Variants in DNAH3 observed in about 807,000 individuals in gnomAD.
The protein encoded by DNAH3 is dynein axonemal heavy chain 3, also known as axonemal beta dynein heavy chain 3.
In DNAH3, 332 loss-of-function variants were observed where a neutral mutation model predicts 432.5. The observed-to-expected ratio is 0.77, with a 90% CI of 0.70 to 0.84. The LOEUF (loss-of-function observed/expected upper bound fraction) is 0.84. Among genes scored for constraint, DNAH3 ranks in the 40% least tolerant of loss-of-function variants. The probability of loss-of-function intolerance (pLI) is 0.00; values close to 1 mark genes in which losing one functional copy is unlikely to be tolerated. For missense variants in DNAH3, 4,861 were observed against 5,114.0 expected (o/e 0.95, Z 1.51); for synonymous variants, 1,956 against 1,900.2 (o/e 1.03, Z -0.76).
At chr16:20,981,030 C>G (rs2085872893) in intron 49 of DNAH3, among the ~76,000 whole-genome samples, 2 of 152,142 alleles carry the variant, frequency 1.3e-5, no homozygotes, top group African/African-American at 4.8e-5. Context: ...GCCCATGAAC[C>G]ATAGTTTGTC....
At chr16:21,054,180 A>G (rs858193) in intron 28 of DNAH3, among the ~76,000 whole-genome samples, 74,040 of 151,962 alleles carry the variant, frequency 0.49, 18,060 homozygotes, top group South Asian at 0.57. Context: ...GACTTTGGCC[A>G]TCATTGTCTC....
intron 31 of DNAH3, among the ~76,000 whole-genome samples, chr16:21,045,370 CAG>C (rs1174805310): frequency 6.7e-6 from 1 of 150,338 alleles, no homozygotes; most frequent in Non-Finnish European, 1.5e-5. Flanking sequence ...TTGGTCTATT[CAG>C]AGATTCAACT....
At chr16:21,031,179 C>CCATCCA in exon 37 of DNAH3, 1 of 1,614,162 alleles carries the variant, frequency 6.2e-7, no homozygotes. Context: ...AGGACACCAT[C>CCATCCA]CATCCACTCG....
At chr16:21,138,267 A>G (rs1231760602) in intron 5 of DNAH3, among the ~76,000 whole-genome samples, 2 of 151,902 alleles carry the variant, frequency 1.3e-5, no homozygotes, top group African/African-American at 4.8e-5. Context: ...AAAGAAAAGA[A>G]AAAGAGGTTG....
rs1043740477 is a variant in DNAH3 at position 21,157,380 on chromosome 16, C to T, written c.117+1945G>A. Among the ~76,000 whole-genome samples, 7 of 147,214 alleles carry T rather than the reference C, an allele frequency of 4.8e-5. No homozygotes were observed. In the East Asian group the frequency reaches 5.9e-4, roughly 12 times the overall value. On this transcript the variant is annotated intron_variant, in intron 1 of 61. Coordinates refer to ENST00000261383, the Ensembl canonical transcript of DNAH3. ...TTTGAGACAGGGTCTCACTCTGTTG[C>T]CCAGGCTGGAGTGCAGTGTCTTCAC...
At chr16:21,139,090 T>G (rs2092683555) in intron 5 of DNAH3, among the ~76,000 whole-genome samples, 1 of 152,168 alleles carries the variant, frequency 6.6e-6, no homozygotes, top group Non-Finnish European at 1.5e-5. Context: ...TGCTCTAAAG[T>G]TTTATTGTTC....
In DNAH3 at chr16:21,001,158, G is replaced by A. The variant is rs74409836; in HGVS notation, c.6127-640C>T. ...AATCCCATGCCTTTTCCAATATGGG[G>A]ATTGTATTAATACACACTTTTCCTG... is the stretch of plus-strand genomic sequence containing the variant. On this transcript the variant is annotated intron_variant, in intron 42 of 61. Transcript: ENST00000261383. Among the ~76,000 whole-genome samples, 560 of 152,222 alleles carry A rather than the reference G, an allele frequency of 3.7e-3. 2 individuals are homozygous for A. Among genetic ancestry groups the A allele is most frequent in the African/African-American group, 0.012 (516 of 41,518 alleles).
In DNAH3 at chr16:21,136,552, T is replaced by C. The variant is rs186087326; in HGVS notation, c.697-39A>G. ...ACCACCAGCGAGAAAATGGTCATGA[T>C]TGGATCATGGGTTCAACTGTCCTGC... On this transcript the variant is annotated intron_variant, in intron 5 of 61. Coordinates refer to ENST00000261383, the Ensembl canonical transcript of DNAH3. 1.5e-3 allele frequency: 2,460 copies of C among 1,597,498 alleles called. 24 individuals carry two copies. The Admixed American group carries it at 0.023, about 15-fold the overall frequency.
At chr16:21,097,591 C>A in intron 17 of DNAH3, 92 bp from the exon 18 acceptor site, 25 of 1,458,074 alleles carry the variant, frequency 1.7e-5, no homozygotes, top group Non-Finnish European at 2.4e-5. Context: ...CCTTGAAAAC[C>A]AAGTGGAGGG....
chr16:21,002,041 T>G (rs931204430), intron 42 of DNAH3, among the ~76,000 whole-genome samples: 1 of 152,150 alleles, frequency 6.6e-6, no homozygotes, highest in East Asian at 1.9e-4. Context: ...TTTACAACAC[T>G]CAGCCCCCAA....
chr16:21,061,474 T>C (rs2090359059), intron 25 of DNAH3, among the ~76,000 whole-genome samples: 1 of 152,062 alleles, frequency 6.6e-6, no homozygotes, highest in Non-Finnish European at 1.5e-5. Flanking sequence ...TCCACCCGCC[T>C]CGGCCTCCCA....
At chr16:21,145,085 C>G (rs2092765844) in intron 3 of DNAH3, 96 bp downstream of exon 4, 3 of 1,118,140 alleles carry the variant, frequency 2.7e-6, no homozygotes, top group Non-Finnish European at 1.3e-6. Flanking sequence ...GCACTCCAGC[C>G]TGGGCGACAG....
chr16:21,005,296 C>T (rs938379096), intron 41 of DNAH3, among the ~76,000 whole-genome samples: 2 of 143,644 alleles, frequency 1.4e-5, no homozygotes, highest in African/African-American at 5.2e-5. Context: ...CCTTGCTTCC[C>T]TCCTTCCCTC....
At chr16:20,976,333 C>T (rs989447413) in intron 50 of DNAH3, among the ~76,000 whole-genome samples, 34 of 152,278 alleles carry the variant, frequency 2.2e-4, no homozygotes, top group African/African-American at 7.9e-4. Context: ...GCTGGGATTA[C>T]AGGCATGTGC....
At chr16:21,157,336 C>CTTTTT (rs34449371) in intron 1 of DNAH3, among the ~76,000 whole-genome samples, 2 of 111,870 alleles carry the variant, frequency 1.8e-5, no homozygotes, top group Non-Finnish European at 1.8e-5. Context: ...GTGATTGCTT[C>CTTTTT]TTTTTTTTTT....
rs556406380 is a variant in DNAH3, at chr16:21,054,567, C to T, written c.3925-33G>A. On this transcript the variant is annotated intron_variant, in intron 27 of 61. Transcript: ENST00000261383. ...GGGCAGAGGAGGGGACAACTGGTTACATTTGACTCTCCTCTGGTAATCCCC... is the reference window on the plus strand; with the variant it reads ...GGGCAGAGGAGGGGACAACTGGTTATATTTGACTCTCCTCTGGTAATCCCC... 38 of 1,500,348 alleles carry T rather than the reference C, an allele frequency of 2.5e-5. No homozygotes were observed. In the East Asian group the frequency reaches 8.0e-4, roughly 31 times the overall value. The allele number at this position is 1,500,348 out of a possible 1,614,324, so 92.9% of individuals were successfully genotyped here.
chr16:21,062,372 A>G, intron 25 of DNAH3, 110 bp downstream of exon 25: 1 of 826,624 alleles, frequency 1.2e-6, no homozygotes, highest in South Asian at 1.7e-5. Flanking sequence ...GTAGAACCCA[A>G]GTGTTCCATA....
Position 21,003,019 on chromosome 16 carries a change from G to A in DNAH3, c.6126+85C>T, listed in dbSNP as rs190806996. 123 of 936,988 alleles carry A rather than the reference G, an allele frequency of 1.3e-4. 1 individual carries two copies. Among genetic ancestry groups the A allele is most frequent in the East Asian group, 1.2e-3 (47 of 40,820 alleles). The allele number at this position is 936,988 out of a possible 1,614,324, so 58.0% of individuals were successfully genotyped here. On this transcript the variant is annotated intron_variant, in intron 42 of 61. Coordinates refer to ENST00000261383, the Ensembl canonical transcript of DNAH3. ...CTAAAGAAAGCCCTTAAAACTCCTC[G>A]CAAAGACTGTTAATTCTTCCACCTG...
intron 48 of DNAH3, among the ~76,000 whole-genome samples, chr16:20,984,712 T>C (rs967444464): frequency 6.6e-6 from 1 of 151,842 alleles, no homozygotes; most frequent in African/African-American, 2.4e-5. Flanking sequence ...CTACTAAAAA[T>C]ACAAAAATTA....
Sources: allele counts gnomAD v4.1 joint callset (sites outside exome capture counted in the v4.1 genomes callset), GRCh38; gene constraint gnomAD v4.1.1; transcripts MANE v1.5; gene names NCBI Gene and HGNC (gene_info 2026-07-23, HGNC 2026-07-21).